ZNF484: variants seen among roughly 807,000 people sequenced by gnomAD.
ZNF484 encodes zinc finger protein 484, also known as KRAB box containing C2H2 type zinc finger bA526D8.4.
Under a neutral mutation model 12.9 loss-of-function variants are expected in ZNF484, and 11 were observed. The ratio of observed to expected loss-of-function variants is 0.85; its 90% CI spans 0.54 to 1.41. ZNF484 has a LOEUF of 1.41. Ranked by LOEUF, ZNF484 falls within the 40% of genes most tolerant of loss-of-function variation. ZNF484 has a pLI of 0.00. For synonymous variants in ZNF484, 289 were observed against 334.1 expected, an observed-to-expected ratio of 0.86 and a Z score of 1.47; for missense variants, 807 against 1,007.7, an observed-to-expected ratio of 0.80 and a Z score of 2.70.
intron 2 of ZNF484, among the ~76,000 whole-genome samples, chr9:92,857,076 C>G (rs1856511452): frequency 6.6e-6 from 1 of 152,164 alleles, no homozygotes; most frequent in African/African-American, 2.4e-5. Context: ...GGAGAGGGCT[C>G]TTTTTCAGCA....
intron 2 of ZNF484, among the ~76,000 whole-genome samples, chr9:92,863,307 A>G (rs1856886588): frequency 1.3e-5 from 2 of 151,784 alleles, no homozygotes; most frequent in Admixed American, 1.3e-4. Context: ...AAAAAAGCTA[A>G]TGCATGCTGG....
At chr9:92,859,337 C>T (rs1179577370) in intron 2 of ZNF484, among the ~76,000 whole-genome samples, 3 of 152,042 alleles carry the variant, frequency 2.0e-5, no homozygotes, top group African/African-American at 7.2e-5. Context: ...ATACATAAAG[C>T]ATCTGTCAGA....
At chr9:92,870,366 A>AACCT in intron 2 of ZNF484, among the ~76,000 whole-genome samples, 2 of 152,340 alleles carry the variant, frequency 1.3e-5, no homozygotes, top group Middle Eastern at 6.8e-3. Context: ...TTTTAGACAA[A>AACCT]ACCTACTCCA....
intron 3 of ZNF484, 143 bp from the exon 4 acceptor site, chr9:92,856,046 G>A (rs1856429067): frequency 1.4e-6 from 2 of 1,385,710 alleles, no homozygotes; most frequent in African/African-American, 1.4e-5. Flanking sequence ...ACAAAATAAG[G>A]ACAAAACCAT....
Position 92,846,302 on chromosome 9 carries a change from C to T in ZNF484, c.2485G>A (p.Glu829Lys), listed in dbSNP as rs1855583704. 1 of 1,614,136 alleles carries T rather than the reference C, an allele frequency of 6.2e-7. No individual in the cohort carries two copies. Among genetic ancestry groups the T allele is most frequent in the South Asian group, 1.1e-5 (1 of 91,084 alleles). The change falls in exon 5 of 5, where the codon GAA becomes AAA. Residue 829 changes from glutamate (E) to lysine (K), a missense_variant. Transcript: ENST00000375495. ...AATTGTGGCATGGAGCACTCTACTT[C>T]CCCATTGTCAGATTTCTGAGGCATA... Reference protein sequence around the residue: ...LSMPQKSDNGEVECSMPQLWC... With the variant: ...LSMPQKSDNGKVECSMPQLWC...
chr9:92,859,048 C>A (rs1856629083), intron 2 of ZNF484, among the ~76,000 whole-genome samples: 4 of 152,078 alleles, frequency 2.6e-5, no homozygotes, highest in Admixed American at 1.3e-4. Flanking sequence ...ATGGTGTGAA[C>A]CCAGGAGGTG....
rs779386841 is a variant in ZNF484 at position 92,846,647 on chromosome 9, G to T, written c.2140C>A (p.His714Asn). The T allele has an allele frequency of 6.2e-7, 1 of 1,613,964 alleles. No individual in the cohort carries two copies. Residue 714 changes from histidine (H) to asparagine (N), a missense_variant, in exon 5 of 5, where the codon CAT becomes AAT. His to Asn is a moderately conservative substitution (Grantham distance 68, BLOSUM62 1). Coordinates refer to ENST00000375495, the MANE Select transcript of ZNF484 (RefSeq NM_031486.4). ...CAAATATAGGGTTTCTCTCCTGTAT[G>T]AATTCTCTGATGCATAATTAGTGTT... is the stretch of plus-strand genomic sequence containing the variant. ...KSTLIMHQRI[H>N]TGEKPYICNE... is the part of the protein sequence containing the mutation.
intron 4 of ZNF484, among the ~76,000 whole-genome samples, chr9:92,855,234 T>G (rs183595343): frequency 6.6e-6 from 1 of 152,252 alleles, no homozygotes; most frequent in East Asian, 1.9e-4. Flanking sequence ...AAGTCAGTGT[T>G]GCGTTGCACT....
chr9:92,855,615 C>CATTG (rs1856386977), intron 4 of ZNF484, among the ~76,000 whole-genome samples, 196 bp downstream of exon 4: 1 of 152,154 alleles, frequency 6.6e-6, no homozygotes, highest in Admixed American at 6.5e-5. Flanking sequence ...AAGAAGAAGG[C>CATTG]ATTGATATGA....
chr9:92,852,127 G>A (rs906831155), intron 4 of ZNF484, among the ~76,000 whole-genome samples: 2 of 152,130 alleles, frequency 1.3e-5, no homozygotes, highest in African/African-American at 4.8e-5. Flanking sequence ...ATTTTCTACA[G>A]AAACTTTGCA....
Position 92,847,729 on chromosome 9 carries a change from T to A in ZNF484, c.1058A>T (p.Glu353Val). 6.2e-7 allele frequency: 1 copy of A among 1,613,886 alleles called. No homozygotes were observed. Among genetic ancestry groups the A allele is most frequent in the Non-Finnish European group, 8.5e-7 (1 of 1,180,046 alleles). Reference sequence around the variant, plus strand: ...ACATTCACTGTACTCATAAGGTTTTTCTCCAGAATGAATTCTCTGGCATCT... The same window carrying A: ...ACATTCACTGTACTCATAAGGTTTTACTCCAGAATGAATTCTCTGGCATCT... Reference protein sequence around the residue: ...LFRCQRIHSGEKPYEYSECEK... With the variant: ...LFRCQRIHSGVKPYEYSECEK... The change falls in exon 5 of 5, where the codon GAA becomes GTA. Residue 353 changes from glutamate to valine, a missense_variant. Physicochemically the swap from Glu to Val is moderately radical, Grantham distance 121. Coordinates refer to ENST00000375495, the MANE Select transcript of ZNF484 (RefSeq NM_031486.4).
Position 92,847,235 on chromosome 9 carries a change from G to T in ZNF484, c.1552C>A (p.His518Asn). 1 of 1,614,146 alleles carries T rather than the reference G, an allele frequency of 6.2e-7. No homozygotes were observed. The highest frequency in any genetic ancestry group is 8.5e-7 in the Non-Finnish European group (1 of 1,180,026). ...RSNLIKHQKI[H>N]TGEKPYKCSD... ...CATTTATAAGGTTTCTCTCCAGTAT[G>T]AATTTTTTGGTGCTTAATGAGATTT... The change falls in exon 5 of 5, where the codon CAT becomes AAT. Residue 518 changes from histidine to asparagine, a missense_variant. Transcript: ENST00000375495.
intron 2 of ZNF484, among the ~76,000 whole-genome samples, chr9:92,865,357 GAATC>G (rs1857009957): frequency 6.6e-6 from 1 of 152,130 alleles, no homozygotes; most frequent in Non-Finnish European, 1.5e-5. Context: ...GGGGAGGAAT[GAATC>G]AAGCAATTCT....
intron 2 of ZNF484, 21 bp from the exon 3 acceptor site, chr9:92,856,339 ACTTT>A (rs1266033643): frequency 3.3e-6 from 5 of 1,521,940 alleles, no homozygotes; most frequent in Non-Finnish European, 3.5e-6. Flanking sequence ...AAAAAAACAA[ACTTT>A]AAAATAATTT....
chr9:92,859,721 C>T (rs1275014484), intron 2 of ZNF484, among the ~76,000 whole-genome samples: 1 of 152,138 alleles, frequency 6.6e-6, no homozygotes, highest in Non-Finnish European at 1.5e-5. Flanking sequence ...CCCAGGACCA[C>T]CCTCAGGTTC....
chr9:92,855,330 C>T (rs188264643), intron 4 of ZNF484, among the ~76,000 whole-genome samples: 7 of 152,178 alleles, frequency 4.6e-5, no homozygotes, highest in Non-Finnish European at 8.8e-5. Context: ...AAGCCCATCT[C>T]TAGATGACAA....
At chr9:92,852,779 C>T (rs1007900882) in intron 4 of ZNF484, among the ~76,000 whole-genome samples, 1 of 151,078 alleles carries the variant, frequency 6.6e-6, no homozygotes, top group African/African-American at 2.4e-5. Flanking sequence ...TCAGGTAATC[C>T]ACCCACCTCA....
intron 3 of ZNF484, 128 bp from the exon 4 acceptor site, chr9:92,856,031 A>G (rs578110738): frequency 2.9e-6 from 4 of 1,391,252 alleles, no homozygotes; most frequent in South Asian, 2.6e-5. Flanking sequence ...TATTAAGAAC[A>G]TGGGACAAAA....
chr9:92,874,310 C>CTT (rs34348573), intron 2 of ZNF484, among the ~76,000 whole-genome samples: 16 of 137,590 alleles, frequency 1.2e-4, no homozygotes, highest in South Asian at 4.6e-4. Flanking sequence ...TTCTTTCTTT[C>CTT]TTTTTTTTTT....
Sources: gnomAD v4.1 joint callset for allele counts (sites outside exome capture counted in the v4.1 genomes callset) on GRCh38, gnomAD v4.1.1 for gene constraint, MANE v1.5 for transcripts, NCBI Gene and HGNC (gene_info 2026-07-23, HGNC 2026-07-21) for gene names.